The following SLC19A1 variants were observed in gnomAD, a reference collection of about 807,000 sequenced individuals.
SLC19A1 encodes the protein solute carrier family 19 member 1.
SLC19A1 carries 37 observed loss-of-function variants against 35.3 expected under a neutral mutation model. The ratio of observed to expected loss-of-function variants is 1.05; its 90% CI spans 0.81 to 1.38. The LOEUF (loss-of-function observed/expected upper bound fraction) is 1.38. Among genes scored for constraint, SLC19A1 ranks in the 40% most tolerant of loss-of-function variants. The pLI is 0.00. For missense variants in SLC19A1, 831 were observed against 826.9 expected (o/e 1.00, Z -0.06); for synonymous variants, 460 against 398.5 (o/e 1.15, Z -1.84).
Position 45,531,448 on chromosome 21 carries a change from G to A in SLC19A1, c.890C>T (p.Pro297Leu). Reference sequence around the variant, plus strand: ...GTAGACCCGCGCACTGTTGGTGGTGGGGTCCACCTCGTTCCACAGGATGTG... The same window carrying A: ...GTAGACCCGCGCACTGTTGGTGGTGAGGTCCACCTCGTTCCACAGGATGTG... ...YVHILWNEVD[P>L]TTNSARVYNG... The change falls in exon 3 of 6, where the codon CCC becomes CTC. Residue 297 changes from proline (P) to leucine (L), a missense_variant. Transcript: ENST00000311124. 1 of 1,611,750 alleles carries A rather than the reference G, an allele frequency of 6.2e-7. No homozygotes were observed. Among genetic ancestry groups the A allele is most frequent in the Non-Finnish European group, 8.5e-7 (1 of 1,179,190 alleles).
At chr21:45,554,776 T>C (rs545670789) in intron 1 of SLC19A1, among the ~76,000 whole-genome samples, 20 of 151,830 alleles carry the variant, frequency 1.3e-4, no homozygotes, top group African/African-American at 4.8e-4. Context: ...TTTACTATTA[T>C]TGTTATGACA....
At chr21:45,558,649 G>C (rs547908395) in intron 1 of SLC19A1, among the ~76,000 whole-genome samples, 1 of 152,208 alleles carries the variant, frequency 6.6e-6, no homozygotes, top group Non-Finnish European at 1.5e-5. Context: ...AGCTGCTACA[G>C]GAAGCCCTGC....
Position 45,515,600 on chromosome 21 carries a change from G to A in SLC19A1, c.*58C>T. 6.2e-7 allele frequency: 1 copy of A among 1,605,098 alleles called. No individual in the cohort carries two copies. The highest frequency in any genetic ancestry group is 8.5e-7 in the Non-Finnish European group (1 of 1,178,330). ...GCTAAGGCAGGCGGCCCTCGAGGCA[G>A]GGGTCGTGGGGATGCACTGAGGGCC... On this transcript the variant is annotated 3_prime_UTR_variant, in exon 6 of 6. Coordinates refer to ENST00000311124, the MANE Select transcript of SLC19A1 (RefSeq NM_194255.4).
chr21:45,505,445 CAGCCGGCTGGGCACCTGCGT>C (rs751277559), intron 3 of SLC19A1: 4 of 1,469,260 alleles, frequency 2.7e-6, no homozygotes, highest in Non-Finnish European at 3.8e-6. Context: ...AGTGTCTGGG[CAGCCGGCTGGGCACCTGCGT>C]CCCGTGCCCT....
At position 45,533,267 on chromosome 21, in the gene SLC19A1, C is replaced by T. The variant is rs2077994770; in HGVS notation, c.190-1119G>A. On this transcript the variant is annotated intron_variant, in intron 2 of 5. Coordinates refer to ENST00000311124, the MANE Select transcript of SLC19A1 (RefSeq NM_194255.4). The surrounding 1 kb of genome is among the most constrained non-coding windows in gnomAD (Gnocchi z 4.5). ...TGCCTGTGGCCTCAACACACATCCA[C>T]CTTCCATGGGAACGTGGAGCTGGGC... Among the ~76,000 whole-genome samples, 1 of 138,476 alleles carries T rather than the reference C, an allele frequency of 7.2e-6. No homozygotes were observed. The highest frequency in any genetic ancestry group is 2.6e-5 in the African/African-American group (1 of 39,010). The allele number at this position is 138,476 out of a possible 152,430, so 90.8% of individuals were successfully genotyped here.
At chr21:45,508,555 C>T (rs928460080), downstream of SLC19A1, among the ~76,000 whole-genome samples, 4 of 151,390 alleles carry the variant, frequency 2.6e-5, no homozygotes, top group South Asian at 2.1e-4. Context: ...GAAATATTTT[C>T]GTTTTCCTAA....
intron 3 of SLC19A1, chr21:45,506,036 G>T (rs2037184381): frequency 6.2e-6 from 10 of 1,609,416 alleles, no homozygotes; most frequent in Middle Eastern, 1.8e-4. Flanking sequence ...CTTAAGGAAG[G>T]CGAGAGGCTC....
chr21:45,531,281 G>C, intron 3 of SLC19A1, 108 bp downstream of exon 3: 1 of 1,432,108 alleles, frequency 7.0e-7, no homozygotes, highest in Non-Finnish European at 9.3e-7. Context: ...AGGTATCCAT[G>C]GGGCAGGGGG....
At chr21:45,552,329 A>G (rs1158650156) in intron 1 of SLC19A1, among the ~76,000 whole-genome samples, 1 of 152,134 alleles carries the variant, frequency 6.6e-6, no homozygotes, top group African/African-American at 2.4e-5. Flanking sequence ...TCCAGCTCTC[A>G]GGAGTGTCCC....
chr21:45,515,110 G>A lies in SLC19A1; in HGVS notation c.*548C>T, dbSNP rs1287146988. On this transcript the variant is annotated 3_prime_UTR_variant, in exon 6 of 6. Transcript: ENST00000311124. Reference sequence around the variant, plus strand: ...AATGTGTCTGCCGCCAACCTGAGATGGCTTTTCCACAGAGACAGAGAAGCC... The same window carrying A: ...AATGTGTCTGCCGCCAACCTGAGATAGCTTTTCCACAGAGACAGAGAAGCC... 6.5e-7 allele frequency: 1 copy of A among 1,543,158 alleles called. No individual in the cohort carries two copies. The highest frequency in any genetic ancestry group is 1.4e-5 in the African/African-American group (1 of 72,396).
At chr21:45,525,769 C>T in intron 5 of SLC19A1, 48 bp downstream of exon 5, 1 of 1,600,856 alleles carries the variant, frequency 6.2e-7, no homozygotes, top group Non-Finnish European at 8.5e-7. Context: ...AACAATGTCC[C>T]CACAAGTAGC....
At chr21:45,525,454 C>T (rs931396234) in intron 5 of SLC19A1, among the ~76,000 whole-genome samples, 11 of 152,252 alleles carry the variant, frequency 7.2e-5, no homozygotes, top group African/African-American at 2.2e-4. Context: ...CTCTGCTCAG[C>T]TCTCCTTCCT....
chr21:45,503,677 C>T (rs1161032757), intron 3 of SLC19A1, among the ~76,000 whole-genome samples: 1 of 150,638 alleles, frequency 6.6e-6, no homozygotes, highest in African/African-American at 2.4e-5. Flanking sequence ...GGGAGATATA[C>T]CTAATGCTAG....
chr21:45,561,452 T>C (rs1385706928), intron 1 of SLC19A1, among the ~76,000 whole-genome samples: 1 of 152,196 alleles, frequency 6.6e-6, no homozygotes, highest in African/African-American at 2.4e-5. Flanking sequence ...CTGCAAGTGC[T>C]GGACTCTGCA....
intron 5 of SLC19A1, among the ~76,000 whole-genome samples, chr21:45,516,392 GGTGGCCTGCTTCTGC>G (rs1320956773): frequency 2.6e-5 from 4 of 152,246 alleles, no homozygotes; most frequent in Non-Finnish European, 5.9e-5. Flanking sequence ...GAACCTGGCA[GGTGGCCTGCTTCTGC>G]GTGGCCTGCG....
At chr21:45,550,924 G>A (rs1400151770) in intron 1 of SLC19A1, among the ~76,000 whole-genome samples, 2 of 8,992 alleles carry the variant, frequency 2.2e-4, no homozygotes, top group Admixed American at 8.7e-4. Context: ...CCCTCCCCCC[G>A]CCTCCCCACA....
chr21:45,539,374 C>A (rs1412177625), intron 1 of SLC19A1, among the ~76,000 whole-genome samples: 1 of 152,246 alleles, frequency 6.6e-6, no homozygotes, highest in Non-Finnish European at 1.5e-5. Flanking sequence ...GCGGGGTCGC[C>A]GTCCCATCTG....
At chr21:45,527,458 C>A (rs1484632408) in intron 4 of SLC19A1, among the ~76,000 whole-genome samples, 2 of 125,154 alleles carry the variant, frequency 1.6e-5, no homozygotes. Context: ...GGCAGCCAGG[C>A]AGGGCGGGCC....
intron 2 of SLC19A1, among the ~76,000 whole-genome samples, chr21:45,537,014 C>T (rs2078134892): frequency 6.6e-6 from 1 of 152,214 alleles, no homozygotes; most frequent in Non-Finnish European, 1.5e-5. Flanking sequence ...AGAACAGTTT[C>T]AATAAGACCC....
Sources: gnomAD v4.1 joint callset for allele counts (sites outside exome capture counted in the v4.1 genomes callset) on GRCh38, gnomAD v4.1.1 for gene constraint, Gnocchi (gnomAD v3.1) non-coding constraint, MANE v1.5 for transcripts, NCBI Gene and HGNC (gene_info 2026-07-23, HGNC 2026-07-21) for gene names.